The following E2F3 variants were observed in gnomAD, a reference collection of about 807,000 sequenced individuals.
E2F3 encodes transcription factor E2F3.
In E2F3, 11 loss-of-function variants were observed where a neutral mutation model predicts 44.4. The ratio of observed to expected loss-of-function variants is 0.25; its 90% CI spans 0.16 to 0.41. The LOEUF (loss-of-function observed/expected upper bound fraction) is 0.41, where lower values mean the gene tolerates loss of function less well. Ranked by LOEUF, E2F3 falls within the 10% of genes least tolerant of loss-of-function variation. The probability of loss-of-function intolerance (pLI) is 1.00; values close to 1 mark genes in which losing one functional copy is unlikely to be tolerated. For synonymous variants in E2F3, 249 were observed against 253.0 expected (o/e 0.98, Z 0.15); for missense variants, 487 against 583.6 (o/e 0.83, Z 1.70).
chr6:20,403,611 C>T (rs1759385096), intron 1 of E2F3: 1 of 471,672 alleles, frequency 2.1e-6, no homozygotes, highest in Non-Finnish European at 3.8e-6. Context: ...GAGGGGGGCA[C>T]CCACTTCCTC....
intron 2 of E2F3, among the ~76,000 whole-genome samples, chr6:20,480,445 C>T (rs1762185058): frequency 6.6e-6 from 1 of 152,014 alleles, no homozygotes; most frequent in Non-Finnish European, 1.5e-5. Flanking sequence ...GAGAGAGAAA[C>T]GTAGGTTAGA....
intron 1 of E2F3, among the ~76,000 whole-genome samples, chr6:20,428,040 A>G (rs1760272412): frequency 6.6e-6 from 1 of 152,094 alleles, no homozygotes; most frequent in South Asian, 2.1e-4. Context: ...AAGTACTGAA[A>G]TGTTTATTTC....
intron 1 of E2F3, among the ~76,000 whole-genome samples, chr6:20,422,492 C>T (rs1429640033): frequency 2.0e-5 from 3 of 152,210 alleles, no homozygotes; most frequent in South Asian, 2.1e-4. Flanking sequence ...CATTCACAAC[C>T]TGGCTAACTA....
chr6:20,459,975 A>T (rs1207013705), intron 1 of E2F3, among the ~76,000 whole-genome samples: 2 of 152,232 alleles, frequency 1.3e-5, no homozygotes, highest in African/African-American at 4.8e-5. Context: ...CCTTTGGGGA[A>T]GTGGAGAACT....
chr6:20,493,662 T>C lies in E2F3; in HGVS notation c.*3232T>C, dbSNP rs1351001414. 1 of 201,802 alleles carries C rather than the reference T, an allele frequency of 5.0e-6. No individual in the cohort carries two copies. The highest frequency in any genetic ancestry group is 1.0e-5 in the Non-Finnish European group (1 of 97,836). 12.5% of individuals were successfully genotyped at this position (201,802 alleles called of 1,614,324 possible). A position where few individuals can be genotyped will look rare whatever the true frequency, so the allele number is the denominator to read the frequency against. On this transcript the variant is annotated 3_prime_UTR_variant, in exon 7 of 7. Coordinates refer to ENST00000346618, the MANE Select transcript of E2F3 (RefSeq NM_001949.5). ...TCTTACCACTTCAAATGGGTGTAAT[T>C]TGAATAAATTTTGTATGGTAAAGGA... is the stretch of plus-strand genomic sequence containing the variant.
At chr6:20,417,005 T>G (rs1307841221) in intron 1 of E2F3, among the ~76,000 whole-genome samples, 1 of 152,180 alleles carries the variant, frequency 6.6e-6, no homozygotes, top group Non-Finnish European at 1.5e-5. Context: ...TTGCCTGATA[T>G]ACAAGGAAGT....
At chr6:20,468,927 A>G in intron 1 of E2F3, among the ~76,000 whole-genome samples, 1 of 152,164 alleles carries the variant, frequency 6.6e-6, no homozygotes. Context: ...GTGAAGGAAA[A>G]CTGCAGAATG....
At chr6:20,437,028 G>A (rs1025980348) in intron 1 of E2F3, among the ~76,000 whole-genome samples, 3 of 152,190 alleles carry the variant, frequency 2.0e-5, no homozygotes, top group African/African-American at 7.2e-5. Context: ...GCTGAAGTAT[G>A]AGGATCCCTT....
At chr6:20,461,077 T>C (rs942352531) in intron 1 of E2F3, among the ~76,000 whole-genome samples, 4 of 149,674 alleles carry the variant, frequency 2.7e-5, no homozygotes, top group Non-Finnish European at 5.9e-5. Context: ...AAAATAGTTA[T>C]ACTAAGTCTC....
At chr6:20,433,746 A>G (rs759871656) in intron 1 of E2F3, among the ~76,000 whole-genome samples, 1 of 152,012 alleles carries the variant, frequency 6.6e-6, no homozygotes, top group Admixed American at 6.6e-5. Flanking sequence ...ATATATATAT[A>G]TTTTCTTTTT....
intron 1 of E2F3, among the ~76,000 whole-genome samples, chr6:20,411,113 T>C (rs968127654): frequency 6.6e-6 from 1 of 152,234 alleles, no homozygotes; most frequent in East Asian, 1.9e-4. Context: ...ATAAGCTTCT[T>C]GTAGTAGTGC....
intron 1 of E2F3, among the ~76,000 whole-genome samples, chr6:20,437,284 A>G (rs1236157455): frequency 1.3e-5 from 2 of 152,222 alleles, no homozygotes; most frequent in Non-Finnish European, 1.5e-5. Flanking sequence ...TTGAAATGGC[A>G]TCAATTTAAA....
At chr6:20,437,631 T>G (rs1760634801) in intron 1 of E2F3, among the ~76,000 whole-genome samples, 1 of 152,216 alleles carries the variant, frequency 6.6e-6, no homozygotes, top group African/African-American at 2.4e-5. Context: ...AACCCTATTT[T>G]TGTTAAGGAG....
rs1762549667 is a variant in E2F3, at chr6:20,491,442, A to C, written c.*1012A>C. 4.5e-6 allele frequency: 1 copy of C among 223,852 alleles called. No individual in the cohort carries two copies. 13.9% of individuals were successfully genotyped at this position (223,852 alleles called of 1,614,324 possible). A position where few individuals can be genotyped will look rare whatever the true frequency, so the allele number is the denominator to read the frequency against. On this transcript the variant is annotated 3_prime_UTR_variant, in exon 7 of 7. Coordinates refer to ENST00000346618, the MANE Select transcript of E2F3 (RefSeq NM_001949.5). ...TTTGTCCCATCGTGCTTCCATTCCC[A>C]GGAGGGGGAGCTTGGAGCGAGTCAG...
At position 20,472,463 on chromosome 6, in the gene E2F3, G is replaced by A. The variant is rs115459216; in HGVS notation, c.394-7383G>A. Among the ~76,000 whole-genome samples the A allele has an allele frequency of 8.4e-3, 1,284 of 152,134 alleles. 5 individuals are homozygous for A. The highest frequency in any genetic ancestry group is 0.017 in the Middle Eastern group (5 of 292). The stretch of plus-strand genomic sequence containing the variant: ...ACACTTTGGGAGGCTGAGGTAGGAG[G>A]GTCATTTGAGCATAGGAGTTCAAGA... On this transcript the variant is annotated intron_variant, in intron 1 of 6. Transcript: ENST00000346618.
rs1762167093 is a variant in E2F3 at position 20,479,935 on chromosome 6, A to G, written c.483A>G (p.Leu161=). 6.2e-7 allele frequency: 1 copy of G among 1,611,372 alleles called. No individual in the cohort carries two copies. ...CCAAGGGCAAAGGAAGAGCTGCACT[A>G]CGAAGTCCAGATAGTCCAAAAAGTA... The part of the protein sequence containing the change: ...KTPKGKGRAA[L]RSPDSPKTPK... The change falls in exon 2 of 7, where the codon CTA becomes CTG. Residue 161 remains leucine (L), a synonymous_variant. Coordinates refer to ENST00000346618, the MANE Select transcript of E2F3 (RefSeq NM_001949.5).
chr6:20,416,595 C>T (rs755909537), intron 1 of E2F3, among the ~76,000 whole-genome samples: 11 of 152,112 alleles, frequency 7.2e-5, no homozygotes, highest in Non-Finnish European at 1.6e-4. Flanking sequence ...GGTTGTACTC[C>T]AGACCCACTG....
At chr6:20,409,780 G>A (rs778354061) in intron 1 of E2F3, among the ~76,000 whole-genome samples, 1 of 152,194 alleles carries the variant, frequency 6.6e-6, no homozygotes, top group African/African-American at 2.4e-5. Flanking sequence ...CAAGCCCTGA[G>A]GCCTGAAAGT....
At chr6:20,445,933 C>G (rs1760929886) in intron 1 of E2F3, among the ~76,000 whole-genome samples, 1 of 152,180 alleles carries the variant, frequency 6.6e-6, no homozygotes, top group Non-Finnish European at 1.5e-5. Flanking sequence ...AGGCAGGGCA[C>G]CAGCCCTGGA....
Sources: gnomAD v4.1 joint callset for allele counts (sites outside exome capture counted in the v4.1 genomes callset) on GRCh38, gnomAD v4.1.1 for gene constraint, MANE v1.5 for transcripts, NCBI Gene and HGNC (gene_info 2026-07-23, HGNC 2026-07-21) for gene names.